DPYSL3: variants seen among roughly 807,000 people sequenced by gnomAD.
DPYSL3 encodes the protein dihydropyrimidinase-related protein 3.
A neutral mutation model predicts 66.1 loss-of-function variants in DPYSL3; 16 were observed. The ratio of observed to expected loss-of-function variants is 0.24; its 90% CI spans 0.16 to 0.37. The LOEUF (loss-of-function observed/expected upper bound fraction) is 0.37. DPYSL3 is among the 10% of genes least tolerant of loss of function. The probability of loss-of-function intolerance (pLI) is 1.00; values close to 1 mark genes in which losing one functional copy is unlikely to be tolerated. For missense variants in DPYSL3, 738 were observed against 916.2 expected (o/e 0.81, Z 2.51); for synonymous variants, 338 against 345.1 (o/e 0.98, Z 0.23).
At chr5:147,464,437 T>G (rs1262670418) in intron 1 of DPYSL3, among the ~76,000 whole-genome samples, 1 of 152,178 alleles carries the variant, frequency 6.6e-6, no homozygotes, top group Non-Finnish European at 1.5e-5. Context: ...GAACTCTAAG[T>G]TGCAGCTGCT....
At chr5:147,439,791 A>G (rs1351645351) in intron 1 of DPYSL3, among the ~76,000 whole-genome samples, 2 of 152,200 alleles carry the variant, frequency 1.3e-5, no homozygotes, top group Non-Finnish European at 2.9e-5. Context: ...ACAAATATGC[A>G]CAGCTAATAT....
chr5:147,473,752 T>G (rs1753116618), intron 1 of DPYSL3, among the ~76,000 whole-genome samples: 1 of 152,114 alleles, frequency 6.6e-6, no homozygotes, highest in African/African-American at 2.4e-5. Context: ...AGTTAAATGG[T>G]GATTCAACTT....
chr5:147,451,366 CAG>C (rs1365738429), intron 1 of DPYSL3, among the ~76,000 whole-genome samples: 1 of 152,206 alleles, frequency 6.6e-6, no homozygotes, highest in Non-Finnish European at 1.5e-5. Context: ...GCCCCACACA[CAG>C]AGAGAAAGGA....
At position 147,510,052 on chromosome 5, in the gene DPYSL3, G is replaced by T; in HGVS notation, c.-194C>A. 1 of 951,902 alleles carries T rather than the reference G, an allele frequency of 1.1e-6. No homozygotes were observed. Among genetic ancestry groups the T allele is most frequent in the Non-Finnish European group, 1.5e-6 (1 of 673,428 alleles). 59.0% of individuals were successfully genotyped at this position (951,902 alleles called of 1,614,324 possible). ...GAGCCACACAGCCAGCTAGCGCGCG[G>T]AGCAGGGGCCCAGAGTAGCGCCGCG... On this transcript the variant is annotated 5_prime_UTR_variant, in exon 1 of 14. Coordinates refer to ENST00000343218, the MANE Select transcript of DPYSL3 (RefSeq NM_001197294.2).
intron 1 of DPYSL3, among the ~76,000 whole-genome samples, chr5:147,496,278 C>G (rs563462169): frequency 1.3e-5 from 2 of 152,160 alleles, no homozygotes; most frequent in Admixed American, 1.3e-4. Flanking sequence ...ACATGTTAGA[C>G]CTAAAACCAT....
chr5:147,467,127 A>C (rs1753021671), intron 1 of DPYSL3, among the ~76,000 whole-genome samples: 1 of 152,102 alleles, frequency 6.6e-6, no homozygotes, highest in African/African-American at 2.4e-5. Context: ...TTATTTTTTC[A>C]CTGGAGACAT....
Position 147,509,702 on chromosome 5 carries a change from C to T in DPYSL3, c.157G>A (p.Asp53Asn). Residue 53 changes from aspartate (D) to asparagine (N), a missense_variant, in exon 1 of 14, where the codon GAT (aspartate) becomes AAT (asparagine). Transcript: ENST00000343218. The surrounding 1 kb of genome is among the most constrained non-coding windows in gnomAD (Gnocchi z 5.3). ...GAFESKTLDF[D>N]ALSVGQRGAK... ...CCCCGCTGCCCCACGCTGAGGGCAT[C>T]GAAATCCAGCGTCTTGCTCTCGAAG... 1 of 1,535,952 alleles carries T rather than the reference C, an allele frequency of 6.5e-7. No homozygotes were observed. The highest frequency in any genetic ancestry group is 8.7e-7 in the Non-Finnish European group (1 of 1,146,788).
intron 1 of DPYSL3, among the ~76,000 whole-genome samples, chr5:147,429,823 G>A (rs1378137586): frequency 6.6e-6 from 1 of 152,138 alleles, no homozygotes; most frequent in Non-Finnish European, 1.5e-5. Context: ...TCGTTCCAGT[G>A]TCCAAACTGC....
intron 1 of DPYSL3, among the ~76,000 whole-genome samples, chr5:147,429,067 G>A (rs116099606): frequency 0.022 from 3,344 of 152,228 alleles, 140 homozygotes; most frequent in African/African-American, 0.077. Flanking sequence ...GCTGATGTCT[G>A]AGGAGGTTAA....
intron 1 of DPYSL3, among the ~76,000 whole-genome samples, chr5:147,426,052 T>C (rs755606999): frequency 9.9e-5 from 15 of 152,154 alleles, no homozygotes; most frequent in African/African-American, 3.6e-4. Flanking sequence ...CATTCATCCA[T>C]CCATTCATTC....
At chr5:147,402,504 C>G (rs1357215291) in intron 8 of DPYSL3, among the ~76,000 whole-genome samples, 9 of 147,154 alleles carry the variant, frequency 6.1e-5, no homozygotes, top group African/African-American at 1.1e-4. Context: ...CCCGCCACCA[C>G]GCCCGGCTAA....
Position 147,509,909 on chromosome 5 carries a change from G to A in DPYSL3, c.-51C>T. 14 of 1,462,782 alleles carry A rather than the reference G, an allele frequency of 9.6e-6. No individual in the cohort carries two copies. The highest frequency in any genetic ancestry group is 1.3e-5 in the Non-Finnish European group (14 of 1,109,582). 90.6% of individuals were successfully genotyped at this position (1,462,782 alleles called of 1,614,324 possible). The stretch of plus-strand genomic sequence containing the variant: ...GGTTTTTCTTCCCCAGAGGCGGAAA[G>A]GGCAGCCGCCGGCAGCGTGCGCCGA... On this transcript the variant is annotated 5_prime_UTR_variant, in exon 1 of 14. Transcript: ENST00000343218. The surrounding 1 kb of genome is among the most constrained non-coding windows in gnomAD (Gnocchi z 5.3).
At chr5:147,437,727 G>A (rs1752439213) in intron 1 of DPYSL3, among the ~76,000 whole-genome samples, 1 of 152,202 alleles carries the variant, frequency 6.6e-6, no homozygotes, top group African/African-American at 2.4e-5. Flanking sequence ...TGTTAAAGCA[G>A]TCCAAGAATT....
intron 1 of DPYSL3, among the ~76,000 whole-genome samples, chr5:147,456,990 GTAACCT>G: frequency 6.6e-6 from 1 of 151,982 alleles, no homozygotes; most frequent in East Asian, 1.9e-4. Flanking sequence ...CTGAATTATT[GTAACCT>G]CCTAACTGGG....
At chr5:147,447,887 A>G (rs952772022) in intron 1 of DPYSL3, among the ~76,000 whole-genome samples, 1 of 152,186 alleles carries the variant, frequency 6.6e-6, no homozygotes, top group African/African-American at 2.4e-5. Flanking sequence ...CACAAGAGGT[A>G]ATGACATATT....
intron 10 of DPYSL3, 79 bp downstream of exon 10, chr5:147,400,613 C>T (rs910482084): frequency 1.3e-6 from 2 of 1,542,974 alleles, no homozygotes; most frequent in Non-Finnish European, 1.8e-6. Context: ...TGTCACCAGC[C>T]CAACTGGTGG....
chr5:147,475,456 C>T (rs954578045), intron 1 of DPYSL3, among the ~76,000 whole-genome samples: 2 of 152,042 alleles, frequency 1.3e-5, no homozygotes, highest in African/African-American at 4.8e-5. Flanking sequence ...GAAGAATATA[C>T]CCAGAACCGA....
In DPYSL3 at chr5:147,459,079, T is replaced by G. The variant is rs115215014; in HGVS notation, c.382-34116A>C. On this transcript the variant is annotated intron_variant, in intron 1 of 13. Coordinates refer to ENST00000343218, the MANE Select transcript of DPYSL3 (RefSeq NM_001197294.2). ...CTCTTTTACAGTGCTTGGAGTGGAG[T>G]CGCATCAATGGGAAAAGGGGGAGAT... Among the ~76,000 whole-genome samples, 332 of 150,788 alleles carry G rather than the reference T, an allele frequency of 2.2e-3. 2 individuals carry two copies. The highest frequency in any genetic ancestry group is 7.2e-3 in the African/African-American group (294 of 40,996).
chr5:147,500,235 G>A (rs1167078983), intron 1 of DPYSL3, among the ~76,000 whole-genome samples: 2 of 152,124 alleles, frequency 1.3e-5, no homozygotes, highest in Non-Finnish European at 2.9e-5. Context: ...AGAATGAGAA[G>A]GCAATCCACA....
Sources: allele counts gnomAD v4.1 joint callset (sites outside exome capture counted in the v4.1 genomes callset), GRCh38; gene constraint gnomAD v4.1.1; non-coding constraint Gnocchi (gnomAD v3.1); transcripts MANE v1.5; gene names NCBI Gene and HGNC (gene_info 2026-07-23, HGNC 2026-07-21).